Variants in AGAP1 observed in about 807,000 individuals in gnomAD.
AGAP1 encodes the protein arf-GAP with GTPase, ANK repeat and PH domain-containing protein 1.
AGAP1 carries 29 observed loss-of-function variants against 105.3 expected under a neutral mutation model. The ratio of observed to expected loss-of-function variants is 0.28; its 90% CI spans 0.21 to 0.38. The LOEUF is 0.38. AGAP1 is among the 10% of genes least tolerant of loss of function. The pLI is 1.00. For missense variants in AGAP1, 998 were observed against 1,165.1 expected (o/e 0.86, Z 2.09); for synonymous variants, 509 against 485.9 (o/e 1.05, Z -0.63).
At chr2:235,641,313 T>TTCTCTTTCTC (rs112965681) in intron 1 of AGAP1, among the ~76,000 whole-genome samples, 105,223 of 148,388 alleles carry the variant, frequency 0.71, 37,446 homozygotes, top group East Asian at 0.81. Context: ...CTCTCTCTCT[T>TTCTCTTTCTC]TCTCTTTCTC....
chr2:235,833,661 A>G lies in AGAP1; in HGVS notation c.1050+26330A>G, dbSNP rs575226819. Among the ~76,000 whole-genome samples, 5 of 152,216 alleles carry G rather than the reference A, an allele frequency of 3.3e-5. No individual in the cohort carries two copies. In the South Asian group the frequency reaches 1.0e-3, roughly 32 times the overall value. On this transcript the variant is annotated intron_variant, in intron 9 of 17. Transcript: ENST00000304032. ...GTCATAAAAGGTGCTCAAGAAATAT[A>G]TCCCGAATGAATGAATGGAACAATA...
rs1489449274 is a variant in AGAP1 at position 235,799,205 on chromosome 2, A to G, written c.802-162A>G. 6.6e-6 allele frequency among the ~76,000 whole-genome samples: 1 copy of G among 152,250 alleles called. No homozygotes were observed. The highest frequency in any genetic ancestry group is 1.5e-5 in the Non-Finnish European group (1 of 68,048). Reference sequence around the variant, plus strand: ...TGTTCCAGGATGAGACTCTGTAGACATGACACTAATACACCTGGCAAAGCC... The same window carrying G: ...TGTTCCAGGATGAGACTCTGTAGACGTGACACTAATACACCTGGCAAAGCC... On this transcript the variant is annotated intron_variant, in intron 7 of 17. Transcript: ENST00000304032. The surrounding 1 kb of genome is among the most constrained non-coding windows in gnomAD (Gnocchi z 5.0).
At position 235,801,705 on chromosome 2, in the gene AGAP1, T is replaced by C. The variant is rs1160874207; in HGVS notation, c.957+2183T>C. ...AGCTGGATTGAGAGAAGGTGGGCTGTGGGCAGGCGGCCTGTGCCCCGGGAG... is the reference window on the plus strand; with the variant it reads ...AGCTGGATTGAGAGAAGGTGGGCTGCGGGCAGGCGGCCTGTGCCCCGGGAG... On this transcript the variant is annotated intron_variant, in intron 8 of 17. Transcript: ENST00000304032. The surrounding 1 kb of genome is among the most constrained non-coding windows in gnomAD (Gnocchi z 6.0). Among the ~76,000 whole-genome samples the C allele has an allele frequency of 2.0e-5, 3 of 152,036 alleles. No individual in the cohort carries two copies. The highest frequency in any genetic ancestry group is 4.4e-5 in the Non-Finnish European group (3 of 68,010).
intron 9 of AGAP1, among the ~76,000 whole-genome samples, chr2:235,841,912 G>A (rs1960901432): frequency 6.6e-6 from 1 of 151,616 alleles, no homozygotes; most frequent in South Asian, 2.1e-4. Flanking sequence ...CTCTTCCCCT[G>A]AAGCTCTGGG....
At chr2:235,605,325 A>C (rs924223294) in intron 1 of AGAP1, among the ~76,000 whole-genome samples, 2 of 152,216 alleles carry the variant, frequency 1.3e-5, no homozygotes, top group African/African-American at 4.8e-5. Flanking sequence ...GTTCTTAATT[A>C]TCCCCATTTT....
At chr2:235,766,650 ATTCTACATTCTGTGG>A (rs1429187873) in intron 6 of AGAP1, among the ~76,000 whole-genome samples, 31 of 152,366 alleles carry the variant, frequency 2.0e-4, no homozygotes, top group African/African-American at 6.5e-4. Context: ...TGGTTAAAGA[ATTCTACATTCTGTGG>A]TTATATATTC....
At chr2:235,915,202 T>C (rs2051814445) in intron 11 of AGAP1, among the ~76,000 whole-genome samples, 1 of 152,132 alleles carries the variant, frequency 6.6e-6, no homozygotes, top group South Asian at 2.1e-4. Context: ...ATGCTCTTAT[T>C]CATAGATAAT....
Position 235,536,627 on chromosome 2 carries a change from TCACACACACACACACACACA to T in AGAP1, c.163+41810_163+41829del, listed in dbSNP as rs370173877. The stretch of plus-strand genomic sequence containing the variant: ...CCCCTGGGTTTGTGTGTCGCATCCT[TCACACACACACACACACACA>T]CACACACACACACACACACACACAC... On this transcript the variant is annotated intron_variant, in intron 1 of 17. Transcript: ENST00000304032. Among the ~76,000 whole-genome samples the T allele has an allele frequency of 5.9e-4, 64 of 108,312 alleles. 2 individuals are homozygous for T. Among genetic ancestry groups the T allele is most frequent in the African/African-American group, 1.2e-3 (34 of 27,274 alleles). The allele number at this position is 108,312 out of a possible 152,430, so 71.1% of individuals were successfully genotyped here. A position where few individuals can be genotyped will look rare whatever the true frequency, so the allele number is the denominator to read the frequency against.
chr2:236,093,206 G>A (rs1347800140), intron 16 of AGAP1, among the ~76,000 whole-genome samples: 2 of 152,218 alleles, frequency 1.3e-5, no homozygotes, highest in Non-Finnish European at 1.5e-5. Flanking sequence ...CCCTGGGGGA[G>A]AGGAACAAAA....
At position 236,129,745 on chromosome 2, in the gene AGAP1, G is replaced by A. The variant is rs768643100; in HGVS notation, c.*5623G>A. 3.9e-5 allele frequency: 6 copies of A among 152,050 alleles called. No individual in the cohort carries two copies. Among genetic ancestry groups the A allele is most frequent in the South Asian group, 2.1e-4 (1 of 4,816 alleles). 9.4% of individuals were successfully genotyped at this position (152,050 alleles called of 1,614,324 possible). Reference sequence around the variant, plus strand: ...AATCAGTGTGTCTGCGGCTTTCTTCGCGTCACATGTCCGCATTGGCAGGTG... The same window carrying A: ...AATCAGTGTGTCTGCGGCTTTCTTCACGTCACATGTCCGCATTGGCAGGTG... On this transcript the variant is annotated 3_prime_UTR_variant, in exon 18 of 18. Transcript: ENST00000304032. This position sits in a 1 kb window ranked among gnomAD's most constrained non-coding sequence, Gnocchi z 6.2.
At chr2:235,640,388 G>A (rs1320960969) in intron 1 of AGAP1, among the ~76,000 whole-genome samples, 1 of 152,208 alleles carries the variant, frequency 6.6e-6, no homozygotes, top group African/African-American at 2.4e-5. Context: ...CAGGGAGGCT[G>A]GCCCAACCCA....
At position 235,552,818 on chromosome 2, in the gene AGAP1, A is replaced by C. The variant is rs1169681582; in HGVS notation, c.163+57969A>C. Among the ~76,000 whole-genome samples, 1 of 152,180 alleles carries C rather than the reference A, an allele frequency of 6.6e-6. No homozygotes were observed. Among genetic ancestry groups the C allele is most frequent in the African/African-American group, 2.4e-5 (1 of 41,446 alleles). ...AGAATGCAGTGCCTGACAGAGTGTG[A>C]TGGGCCCCATCTCTCTCTGCTGAGC... On this transcript the variant is annotated intron_variant, in intron 1 of 17. Transcript: ENST00000304032. This position sits in a 1 kb window ranked among gnomAD's most constrained non-coding sequence, Gnocchi z 5.9.
At chr2:235,881,355 G>A (rs1247474982) in intron 9 of AGAP1, among the ~76,000 whole-genome samples, 1 of 152,146 alleles carries the variant, frequency 6.6e-6, no homozygotes, top group Admixed American at 6.5e-5. Flanking sequence ...GGGGCATCTC[G>A]GCTTTCTCAA....
chr2:235,746,392 T>C (rs1426827057), intron 5 of AGAP1, among the ~76,000 whole-genome samples: 5 of 125,522 alleles, frequency 4.0e-5, no homozygotes, highest in South Asian at 3.0e-4. Flanking sequence ...TTTTTTTTTT[T>C]TTTTTTTTTT....
chr2:235,667,980 AAAAAG>A, intron 1 of AGAP1, among the ~76,000 whole-genome samples: 1 of 147,818 alleles, frequency 6.8e-6, no homozygotes, highest in African/African-American at 2.4e-5. Context: ...AAAAAAAAAA[AAAAAG>A]TCTTCTTTAT....
rs1951530079 is a variant in AGAP1 at position 235,724,112 on chromosome 2, C to T, written c.310+6468C>T. Among the ~76,000 whole-genome samples the T allele has an allele frequency of 6.6e-6, 1 of 152,212 alleles. No homozygotes were observed. Among genetic ancestry groups the T allele is most frequent in the South Asian group, 2.1e-4 (1 of 4,830 alleles). ...CCGGGTCTTCATGAGCTTAATTCAG[C>T]AGGGGCTCCTTCCTTCAGTGATGGA... On this transcript the variant is annotated intron_variant, in intron 3 of 17. Coordinates refer to ENST00000304032, the MANE Select transcript of AGAP1 (RefSeq NM_001037131.3). This position sits in a 1 kb window ranked among gnomAD's most constrained non-coding sequence, Gnocchi z 4.9.
At chr2:235,871,578 A>C (rs2049441910) in intron 9 of AGAP1, among the ~76,000 whole-genome samples, 1 of 152,222 alleles carries the variant, frequency 6.6e-6, no homozygotes, top group African/African-American at 2.4e-5. Context: ...TTCCAAAGCC[A>C]CTGCCATGTG....
intron 1 of AGAP1, among the ~76,000 whole-genome samples, chr2:235,588,689 G>C (rs1945215707): frequency 6.6e-6 from 1 of 152,048 alleles, no homozygotes; most frequent in South Asian, 2.1e-4. Flanking sequence ...AACACAAATG[G>C]TTATCTTTCT....
chr2:235,572,596 C>T (rs1046131665), intron 1 of AGAP1, among the ~76,000 whole-genome samples: 3 of 152,178 alleles, frequency 2.0e-5, no homozygotes, highest in Non-Finnish European at 2.9e-5. Flanking sequence ...ATAGGGGCTT[C>T]CTGCCCACTT....
Sources: gnomAD v4.1 joint callset for allele counts (sites outside exome capture counted in the v4.1 genomes callset) on GRCh38, gnomAD v4.1.1 for gene constraint, Gnocchi (gnomAD v3.1) non-coding constraint, MANE v1.5 for transcripts, NCBI Gene and HGNC (gene_info 2026-07-23, HGNC 2026-07-21) for gene names.